Variants in RNF111 observed in about 807,000 individuals in gnomAD.
RNF111 encodes E3 ubiquitin-protein ligase Arkadia.
A neutral mutation model predicts 95.1 loss-of-function variants in RNF111; 17 were observed. The observed-to-expected ratio is 0.18, with a 90% CI of 0.12 to 0.27. The LOEUF is 0.27. Among genes scored for constraint, RNF111 ranks in the 10% least tolerant of loss-of-function variants. RNF111 has a pLI of 1.00. For missense variants in RNF111, 1,189 were observed against 1,210.4 expected (o/e 0.98, Z 0.26); for synonymous variants, 440 against 414.8 (o/e 1.06, Z -0.74).
chr15:59,059,980 G>A (rs1246254575), intron 5 of RNF111, among the ~76,000 whole-genome samples: 3 of 152,102 alleles, frequency 2.0e-5, no homozygotes, highest in Non-Finnish European at 2.9e-5. Context: ...AACTACATGT[G>A]GCTGGATCAG....
intron 2 of RNF111, among the ~76,000 whole-genome samples, chr15:59,041,174 G>T (rs2041429984): frequency 6.6e-6 from 1 of 152,052 alleles, no homozygotes; most frequent in Non-Finnish European, 1.5e-5. Flanking sequence ...ATACTCCCTT[G>T]CATGGTTGTA....
intron 1 of RNF111, among the ~76,000 whole-genome samples, chr15:59,026,917 C>A (rs575581058): frequency 1.3e-5 from 2 of 152,148 alleles, no homozygotes; most frequent in Non-Finnish European, 2.9e-5. Flanking sequence ...AAACCACCCC[C>A]CCTTGCTCTC....
intron 1 of RNF111, among the ~76,000 whole-genome samples, chr15:59,003,536 C>G (rs1275936754): frequency 6.6e-5 from 10 of 152,164 alleles, no homozygotes; most frequent in Admixed American, 1.3e-4. Flanking sequence ...GTAGCTGGGA[C>G]TACAGGTGCG....
chr15:59,072,092 T>A (rs952597860), intron 6 of RNF111, among the ~76,000 whole-genome samples: 8 of 152,230 alleles, frequency 5.3e-5, no homozygotes, highest in Admixed American at 1.3e-4. Flanking sequence ...ATACATTTTT[T>A]AAAAATGCCA....
chr15:58,999,697 G>A (rs959258152), intron 1 of RNF111, among the ~76,000 whole-genome samples: 2 of 152,088 alleles, frequency 1.3e-5, no homozygotes. Context: ...TTCTAATAGG[G>A]TAAGGGTATT....
chr15:58,996,100 CATA>C (rs1463429611), intron 1 of RNF111, among the ~76,000 whole-genome samples: 2 of 151,896 alleles, frequency 1.3e-5, no homozygotes, highest in African/African-American at 4.8e-5. Flanking sequence ...TTTTCAAATA[CATA>C]ATGAGTTATG....
At chr15:59,004,165 C>G in intron 1 of RNF111, 1 of 1,207,958 alleles carries the variant, frequency 8.3e-7, no homozygotes, top group Non-Finnish European at 1.1e-6. Flanking sequence ...TCTGGATTAG[C>G]AGTTTTAAGG....
intron 13 of RNF111, 131 bp downstream of exon 13, chr15:59,092,771 C>A: frequency 1.1e-6 from 1 of 879,716 alleles, no homozygotes; most frequent in Non-Finnish European, 1.7e-6. Context: ...AGGCCAGAGG[C>A]TCTCTTGAGG....
Position 59,089,749 on chromosome 15 carries a change from G to A in RNF111, c.2633G>A (p.Gly878Asp). Residue 878 changes from glycine to aspartate, a missense_variant, in exon 11 of 14, where the codon GGC becomes GAC. By Grantham distance (94) the Gly-to-Asp change is moderately conservative. Coordinates refer to ENST00000348370, the MANE Select transcript of RNF111 (RefSeq NM_017610.8). ...DGTSFRGPFRGNFEELIHLEE... is the reference protein window; with the variant it reads ...DGTSFRGPFRDNFEELIHLEE... ...ACATCATTCAGAGGTCCTTTCAGGGGCAATTTTGAGGTATGTAATAAAATA... is the reference window on the plus strand; with the variant it reads ...ACATCATTCAGAGGTCCTTTCAGGGACAATTTTGAGGTATGTAATAAAATA... The A allele has an allele frequency of 1.2e-6, 2 of 1,606,664 alleles. No individual in the cohort carries two copies. The highest frequency in any genetic ancestry group is 1.7e-6 in the Non-Finnish European group (2 of 1,173,558).
chr15:59,005,144 A>G (rs1307337634), intron 1 of RNF111, among the ~76,000 whole-genome samples: 1 of 152,180 alleles, frequency 6.6e-6, no homozygotes, highest in Non-Finnish European at 1.5e-5. Context: ...AGTGTCAGTA[A>G]GTCTTCCTGG....
intron 1 of RNF111, among the ~76,000 whole-genome samples, chr15:59,027,812 C>T (rs1187058136): frequency 6.6e-6 from 1 of 150,816 alleles, no homozygotes; most frequent in Non-Finnish European, 1.5e-5. Context: ...GGATTACAGG[C>T]GTGAGCCACT....
chr15:58,997,670 G>T (rs536706881), intron 1 of RNF111, among the ~76,000 whole-genome samples: 9 of 151,642 alleles, frequency 5.9e-5, no homozygotes, highest in Admixed American at 4.6e-4. Flanking sequence ...TACAAAATTA[G>T]CAGGGCGTGG....
intron 10 of RNF111, among the ~76,000 whole-genome samples, chr15:59,088,905 C>T (rs2078972740): frequency 6.6e-6 from 1 of 152,188 alleles, no homozygotes; most frequent in South Asian, 2.1e-4. Context: ...GACAGCACTT[C>T]AGCTCTATGC....
At chr15:58,995,078 C>T (rs894747059) in intron 1 of RNF111, among the ~76,000 whole-genome samples, 1 of 152,092 alleles carries the variant, frequency 6.6e-6, no homozygotes, top group Admixed American at 6.6e-5. Context: ...AACAGTGCAC[C>T]TAATAAGCAA....
intron 1 of RNF111, chr15:59,004,182 C>A: frequency 8.7e-7 from 1 of 1,143,468 alleles, no homozygotes; most frequent in Non-Finnish European, 1.1e-6. Context: ...AAGGTCTCAA[C>A]TTTGTTTTTA....
intron 1 of RNF111, among the ~76,000 whole-genome samples, chr15:59,023,572 C>T (rs2040452796): frequency 6.6e-6 from 1 of 152,066 alleles, no homozygotes; most frequent in African/African-American, 2.4e-5. Context: ...ACTGGCCTGT[C>T]TTACTGTTGC....
At chr15:59,028,081 C>T (rs2040714383) in intron 1 of RNF111, among the ~76,000 whole-genome samples, 1 of 152,160 alleles carries the variant, frequency 6.6e-6, no homozygotes, top group African/African-American at 2.4e-5. Flanking sequence ...CCCGCCTCGG[C>T]CTCCCAAAGT....
chr15:58,990,696 T>G (rs571427652), intron 1 of RNF111, among the ~76,000 whole-genome samples: 1 of 152,272 alleles, frequency 6.6e-6, no homozygotes, highest in South Asian at 2.1e-4. Context: ...TTCCACATAT[T>G]ATTGCTATTG....
chr15:58,997,700 C>A (rs566924359), intron 1 of RNF111, among the ~76,000 whole-genome samples: 1 of 150,950 alleles, frequency 6.6e-6, no homozygotes, highest in East Asian at 2.0e-4. Context: ...TCTGTAATCC[C>A]AGCTACTCGG....
Sources: allele counts gnomAD v4.1 joint callset (sites outside exome capture counted in the v4.1 genomes callset), GRCh38; gene constraint gnomAD v4.1.1; transcripts MANE v1.5; gene names NCBI Gene and HGNC (gene_info 2026-07-23, HGNC 2026-07-21).